Variants in TMEM150B observed in about 807,000 individuals in gnomAD.
TMEM150B encodes transmembrane protein 150B.
TMEM150B carries 33 observed loss-of-function variants against 25.2 expected under a neutral mutation model. That is an observed-to-expected ratio of 1.31 (90% CI 0.99 to 1.75). The LOEUF (loss-of-function observed/expected upper bound fraction) is 1.75, where lower values mean the gene tolerates loss of function less well. Ranked by LOEUF, TMEM150B falls within the 40% of genes most tolerant of loss-of-function variation. TMEM150B has a pLI of 0.00. For synonymous variants in TMEM150B, 133 were observed against 134.8 expected (o/e 0.99, Z 0.09); for missense variants, 322 against 306.1 (o/e 1.05, Z -0.39).
intron 6 of TMEM150B, among the ~76,000 whole-genome samples, 158 bp from the exon 7 acceptor site, chr19:55,317,124 C>T (rs2089031584): frequency 6.6e-6 from 1 of 152,310 alleles, no homozygotes; most frequent in African/African-American, 2.4e-5. Flanking sequence ...GTCAGCTCCA[C>T]GAGAGCAGGC....
At chr19:55,311,599 T>C (rs1288842619), downstream of TMEM150B, among the ~76,000 whole-genome samples, 6 of 152,172 alleles carry the variant, frequency 3.9e-5, no homozygotes, top group Admixed American at 6.5e-5. Flanking sequence ...AACAGTATCA[T>C]AACCAGAATC....
At chr19:55,313,389 C>G (rs965776028) in intron 7 of TMEM150B, among the ~76,000 whole-genome samples, 3 of 152,130 alleles carry the variant, frequency 2.0e-5, no homozygotes, top group Admixed American at 2.0e-4. Context: ...TGCCATTGCT[C>G]CTGCCTGTAA....
At chr19:55,310,755 G>C (rs1016780665), downstream of TMEM150B, among the ~76,000 whole-genome samples, 2 of 152,044 alleles carry the variant, frequency 1.3e-5, no homozygotes, top group Admixed American at 1.3e-4. This position sits in a 1 kb window ranked among gnomAD's most constrained non-coding sequence, Gnocchi z 5.0. Flanking sequence ...TGGTTGCTAG[G>C]GGCAACCGGA....
intron 6 of TMEM150B, 136 bp from the exon 7 acceptor site, chr19:55,317,102 A>G: frequency 1.4e-6 from 1 of 714,216 alleles, no homozygotes. Flanking sequence ...CTTATTAAGC[A>G]CATCAGCTAT....
At chr19:55,310,841 C>A (rs924190659), downstream of TMEM150B, among the ~76,000 whole-genome samples, 2 of 152,146 alleles carry the variant, frequency 1.3e-5, no homozygotes, top group Admixed American at 6.5e-5. The surrounding 1 kb of genome is among the most constrained non-coding windows in gnomAD (Gnocchi z 5.0). Flanking sequence ...AACGGGCACA[C>A]CCTGGAAGAT....
At position 55,320,974 on chromosome 19, in the gene TMEM150B, C is replaced by G; in HGVS notation, c.63G>C (p.Trp21Cys). 1 of 1,613,888 alleles carries G rather than the reference C, an allele frequency of 6.2e-7. No individual in the cohort carries two copies. Among genetic ancestry groups the G allele is most frequent in the East Asian group, 2.2e-5 (1 of 44,870 alleles). The change falls in exon 3 of 8, where the codon TGG becomes TGC. Residue 21 changes from tryptophan to cysteine, a missense_variant. Physicochemically the swap from Trp to Cys is radical, Grantham distance 215 (BLOSUM62 -2). Coordinates refer to ENST00000326652, the MANE Select transcript of TMEM150B (RefSeq NM_001282011.2). ...ATCATGCCTCTGACACTCACACGAT[C>G]CAGACGCCAGAGATAGCCCAGACAG... ...FLAVWAISGV[W>C]IVFAIAVTNR...
chr19:55,317,774 T>C (rs1329148023), intron 6 of TMEM150B, among the ~76,000 whole-genome samples: 3 of 133,608 alleles, frequency 2.2e-5, no homozygotes, highest in Admixed American at 1.6e-4. Context: ...AGAGTGAGAC[T>C]CCATCTCAAG....
intron 7 of TMEM150B, among the ~76,000 whole-genome samples, chr19:55,314,530 G>C (rs1224683054): frequency 6.6e-6 from 1 of 152,140 alleles, no homozygotes; most frequent in East Asian, 1.9e-4. Context: ...ATCCGGCCAG[G>C]CTCAGGCCCG....
At chr19:55,309,807 C>T (rs1030273594), downstream of TMEM150B, among the ~76,000 whole-genome samples, 7 of 152,222 alleles carry the variant, frequency 4.6e-5, no homozygotes, top group African/African-American at 9.6e-5. Context: ...GGGAAGAGAG[C>T]GCCTGCCCTG....
downstream of TMEM150B, chr19:55,312,533 CAAAAAAAAAAA>C (rs372052269): frequency 0.01 from 262 of 25,748 alleles, 2 homozygotes; most frequent in African/African-American, 0.036. Context: ...CCGCCGGCGG[CAAAAAAAAAAA>C]AAAAAAAAAA....
At chr19:55,321,214 C>T in intron 2 of TMEM150B, 121 bp from the exon 3 acceptor site, 1 of 1,330,034 alleles carries the variant, frequency 7.5e-7, no homozygotes, top group South Asian at 1.6e-5. Flanking sequence ...GCCAGCTCTC[C>T]ATTTCCAGGC....
intron 7 of TMEM150B, among the ~76,000 whole-genome samples, chr19:55,316,217 A>T (rs983723099): frequency 1.3e-5 from 2 of 152,168 alleles, no homozygotes; most frequent in East Asian, 3.9e-4. Flanking sequence ...ATCACAGGAC[A>T]TGGAGTTCGG....
At chr19:55,324,694 C>T (rs1600238522) in intron 1 of TMEM150B, 1 of 973,372 alleles carries the variant, frequency 1.0e-6, no homozygotes. Context: ...AAAATAAATC[C>T]TGTCCCAGTG....
chr19:55,313,187 T>G, intron 7 of TMEM150B, 132 bp from the exon 8 acceptor site: 1 of 920,284 alleles, frequency 1.1e-6, no homozygotes. Flanking sequence ...CCCCCGTAGC[T>G]CCTCACAGAC....
chr19:55,315,864 A>T (rs1053073433), intron 7 of TMEM150B, among the ~76,000 whole-genome samples: 16 of 152,066 alleles, frequency 1.1e-4, no homozygotes, highest in Non-Finnish European at 1.6e-4. Flanking sequence ...CGGGAGGCGG[A>T]GGTTGCAGTG....
In TMEM150B at chr19:55,320,440, G is replaced by C. The variant is rs1269499141; in HGVS notation, c.147C>G (p.Pro49=). ...CCTGGCTGAAGATGCAGCTCTGAGG[G>C]GGGAAGGATCCGCAGATGCTGGGGA... ...FPYISICGSF[P]PQSCIFSQVL... The change falls in exon 5 of 8, where the codon CCC becomes CCG. Residue 49 remains proline (P), a synonymous_variant. Coordinates refer to ENST00000326652, the MANE Select transcript of TMEM150B (RefSeq NM_001282011.2). 1.3e-6 allele frequency: 2 copies of C among 1,589,208 alleles called. No homozygotes were observed. Among genetic ancestry groups the C allele is most frequent in the Non-Finnish European group, 8.6e-7 (1 of 1,166,436 alleles).
intron 6 of TMEM150B, chr19:55,319,827 C>A (rs1011764752): frequency 1.4e-6 from 2 of 1,403,100 alleles, no homozygotes; most frequent in African/African-American, 2.9e-5. Context: ...TCAACGAAGT[C>A]CTACATACAA....
chr19:55,317,293 T>C (rs1019800050), intron 6 of TMEM150B, among the ~76,000 whole-genome samples: 2 of 152,156 alleles, frequency 1.3e-5, no homozygotes, highest in Non-Finnish European at 2.9e-5. Context: ...AATTCTTAAA[T>C]ATTACAATTG....
chr19:55,320,474 G>A lies in TMEM150B; in HGVS notation c.129-16C>T, dbSNP rs780580665. On this transcript the variant is annotated splice_polypyrimidine_tract_variant and intron_variant, in intron 4 of 7. Coordinates refer to ENST00000326652, the MANE Select transcript of TMEM150B (RefSeq NM_001282011.2). ...TCCGCAGATGCTGGGGAAGACAAAGGGGTCATCCTGGGCAATCCAAGCTAG... is the reference window on the plus strand; with the variant it reads ...TCCGCAGATGCTGGGGAAGACAAAGAGGTCATCCTGGGCAATCCAAGCTAG... 1 of 1,601,608 alleles carries A rather than the reference G, an allele frequency of 6.2e-7. No homozygotes were observed. Among genetic ancestry groups the A allele is most frequent in the Non-Finnish European group, 8.5e-7 (1 of 1,173,042 alleles).
Sources: gnomAD v4.1 joint callset for allele counts (sites outside exome capture counted in the v4.1 genomes callset) on GRCh38, gnomAD v4.1.1 for gene constraint, Gnocchi (gnomAD v3.1) non-coding constraint, MANE v1.5 for transcripts, NCBI Gene and HGNC (gene_info 2026-07-23, HGNC 2026-07-21) for gene names.